Variants in LAPTM4B observed in about 807,000 individuals in gnomAD.
LAPTM4B encodes lysosomal-associated transmembrane protein 4B.
LAPTM4B carries 26 observed loss-of-function variants against 28.5 expected under a neutral mutation model. The ratio of observed to expected loss-of-function variants is 0.91; its 90% CI spans 0.67 to 1.27. The LOEUF is 1.27. LAPTM4B is among the 50% of genes most tolerant of loss of function. The pLI, the probability that LAPTM4B is intolerant of heterozygous loss-of-function variation, is 0.00. For missense variants in LAPTM4B, 288 were observed against 285.8 expected, an observed-to-expected ratio of 1.01 and a Z score of -0.06; for synonymous variants, 109 against 106.4, an observed-to-expected ratio of 1.02 and a Z score of -0.15.
chr8:97,793,031 A>G (rs372704635), intron 1 of LAPTM4B, among the ~76,000 whole-genome samples: 1 of 87,840 alleles, frequency 1.1e-5, no homozygotes, highest in East Asian at 2.3e-4. Context: ...TAATAACTAG[A>G]AACTCTAGAA....
In LAPTM4B at chr8:97,776,077, C is replaced by T; in HGVS notation, c.68C>T (p.Thr23Ile). The T allele has an allele frequency of 6.3e-7, 1 of 1,587,904 alleles. No individual in the cohort carries two copies. The highest frequency in any genetic ancestry group is 8.5e-7 in the Non-Finnish European group (1 of 1,172,144). ...TGCTGCTTGTGCTGCCATGTCCGCACCGGCACCATCCTGCTCGGCGTCTGG... is the reference window on the plus strand; with the variant it reads ...TGCTGCTTGTGCTGCCATGTCCGCATCGGCACCATCCTGCTCGGCGTCTGG... ...NSCCLCCHVR[T>I]GTILLGVWYL... Residue 23 changes from threonine to isoleucine, a missense_variant, in exon 1 of 7, where the codon ACC becomes ATC. By Grantham distance (89) the Thr-to-Ile change is moderately conservative (BLOSUM62 -1). Coordinates refer to ENST00000521545, the MANE Select transcript of LAPTM4B (RefSeq NM_018407.6).
intron 6 of LAPTM4B, among the ~76,000 whole-genome samples, chr8:97,835,580 A>G (rs564644316): frequency 1.3e-5 from 2 of 152,350 alleles, no homozygotes; most frequent in East Asian, 3.9e-4. Context: ...GTCATGTCCA[A>G]ATGACTTAAT....
chr8:97,787,309 T>G (rs2449503), intron 1 of LAPTM4B, among the ~76,000 whole-genome samples: 2 of 146,238 alleles, frequency 1.4e-5, no homozygotes, highest in African/African-American at 2.5e-5. Flanking sequence ...TTTTTGAGAC[T>G]GAGTCTGGCT....
intron 6 of LAPTM4B, among the ~76,000 whole-genome samples, chr8:97,837,195 C>CTT (rs55645609): frequency 0.38 from 52,122 of 136,736 alleles, 10,672 homozygotes; most frequent in Non-Finnish European, 0.46. Flanking sequence ...CCTCCTGCCA[C>CTT]TTTTTTTTTT....
At chr8:97,778,885 G>A (rs1318857917) in intron 1 of LAPTM4B, among the ~76,000 whole-genome samples, 1 of 152,036 alleles carries the variant, frequency 6.6e-6, no homozygotes. Flanking sequence ...TCTATAAGTT[G>A]CTCGGTTACA....
rs181996983 is a variant in LAPTM4B, at chr8:97,782,067, G to A, written c.99+5959G>A. On this transcript the variant is annotated intron_variant, in intron 1 of 6. Transcript: ENST00000521545. ...GCGATCTCGGCTCACCGCAACCTCC[G>A]ACTCCCAGGTTCAAGCAATTCTCCT... Among the ~76,000 whole-genome samples, 8 of 149,500 alleles carry A rather than the reference G, an allele frequency of 5.4e-5. No homozygotes were observed. In the East Asian group the frequency reaches 6.0e-4, roughly 11 times the overall value.
intron 5 of LAPTM4B, among the ~76,000 whole-genome samples, chr8:97,823,827 A>T (rs1267987100): frequency 6.6e-6 from 1 of 151,350 alleles, no homozygotes; most frequent in Non-Finnish European, 1.5e-5. Context: ...CCTCCTGAGT[A>T]GCTGGGACTA....
At chr8:97,833,420 TTATTTTACCTAA>T (rs1817215725) in intron 6 of LAPTM4B, among the ~76,000 whole-genome samples, 1 of 152,230 alleles carries the variant, frequency 6.6e-6, no homozygotes, top group Non-Finnish European at 1.5e-5. Context: ...TAAAGAGTTA[TTATTTTACCTAA>T]AATAATAAGT....
At chr8:97,812,607 C>G (rs1469790674) in intron 2 of LAPTM4B, among the ~76,000 whole-genome samples, 2 of 152,142 alleles carry the variant, frequency 1.3e-5, no homozygotes, top group African/African-American at 4.8e-5. Context: ...CTAGGCTAGC[C>G]ATTTTACTAT....
chr8:97,809,934 A>T (rs1816801490), intron 2 of LAPTM4B, among the ~76,000 whole-genome samples: 1 of 152,008 alleles, frequency 6.6e-6, no homozygotes, highest in African/African-American at 2.4e-5. Context: ...TGAGTTTAAA[A>T]ATTTATTTTT....
At chr8:97,786,408 T>TAAAG (rs2129730095) in intron 1 of LAPTM4B, among the ~76,000 whole-genome samples, 1 of 147,960 alleles carries the variant, frequency 6.8e-6, no homozygotes, top group African/African-American at 2.5e-5. Flanking sequence ...ACATTGAACT[T>TAAAG]AAAAAAAAAA....
chr8:97,791,273 C>T (rs750601053), intron 1 of LAPTM4B, among the ~76,000 whole-genome samples: 36 of 152,126 alleles, frequency 2.4e-4, no homozygotes, highest in Non-Finnish European at 2.8e-4. Context: ...GGCTGGGCCT[C>T]TCTCTTCATA....
chr8:97,848,211 G>A (rs1031763790), intron 6 of LAPTM4B, among the ~76,000 whole-genome samples: 1 of 152,164 alleles, frequency 6.6e-6, no homozygotes, highest in African/African-American at 2.4e-5. Context: ...GCACTCAGCC[G>A]AGATCGCGCC....
At chr8:97,789,540 T>TG (rs1426881202) in intron 1 of LAPTM4B, among the ~76,000 whole-genome samples, 3 of 150,958 alleles carry the variant, frequency 2.0e-5, no homozygotes, top group Non-Finnish European at 4.4e-5. Flanking sequence ...TTTTTTTTTT[T>TG]TTGAGAGACG....
At chr8:97,825,896 T>A (rs893121530) in intron 6 of LAPTM4B, among the ~76,000 whole-genome samples, 2 of 152,190 alleles carry the variant, frequency 1.3e-5, no homozygotes, top group African/African-American at 4.8e-5. Flanking sequence ...TGTAACTGTG[T>A]GGCATGGGAC....
At chr8:97,848,555 C>T (rs952675153) in intron 6 of LAPTM4B, among the ~76,000 whole-genome samples, 1 of 152,022 alleles carries the variant, frequency 6.6e-6, no homozygotes, top group African/African-American at 2.4e-5. Flanking sequence ...CACAGTGGCT[C>T]ATGCCTGTAA....
At position 97,825,143 on chromosome 8, in the gene LAPTM4B, A is replaced by G. The variant is rs77909867; in HGVS notation, c.593A>G (p.Asn198Ser). The G allele has an allele frequency of 2.5e-6, 4 of 1,579,594 alleles. No homozygotes were observed. Among genetic ancestry groups the G allele is most frequent in the Non-Finnish European group, 3.5e-6 (4 of 1,148,972 alleles). Residue 198 changes from asparagine (N) to serine (S), a missense_variant, in exon 6 of 7, where the codon AAT becomes AGT. Coordinates refer to ENST00000521545, the MANE Select transcript of LAPTM4B (RefSeq NM_018407.6). Reference sequence around the variant, plus strand: ...GATGTCCTGGTTTATGTTACCAGCAATGACACTACGGTAGGTATGATGTCA... The same window carrying G: ...GATGTCCTGGTTTATGTTACCAGCAGTGACACTACGGTAGGTATGATGTCA... ...SSDVLVYVTS[N>S]DTTVLLPPYD...
rs1334196009 is a variant in LAPTM4B at position 97,780,271 on chromosome 8, T to A, written c.99+4163T>A. 1.7e-4 allele frequency among the ~76,000 whole-genome samples: 25 copies of A among 151,424 alleles called. No homozygotes were observed. In the East Asian group the frequency reaches 4.5e-3, roughly 27 times the overall value. On this transcript the variant is annotated intron_variant, in intron 1 of 6. Coordinates refer to ENST00000521545, the MANE Select transcript of LAPTM4B (RefSeq NM_018407.6). Reference sequence around the variant, plus strand: ...TGAAACCCTGTTTCTATTAAAAATATAAAAAATTAGTGGGGCGTGGTGGCA... The same window carrying A: ...TGAAACCCTGTTTCTATTAAAAATAAAAAAAATTAGTGGGGCGTGGTGGCA...
intron 5 of LAPTM4B, among the ~76,000 whole-genome samples, chr8:97,823,469 G>A (rs1817042263): frequency 1.3e-5 from 2 of 150,814 alleles, no homozygotes; most frequent in Admixed American, 6.6e-5. Flanking sequence ...CCACCTCCCA[G>A]GTTCACTTGA....
Sources: allele counts gnomAD v4.1 joint callset (sites outside exome capture counted in the v4.1 genomes callset), GRCh38; gene constraint gnomAD v4.1.1; transcripts MANE v1.5; gene names NCBI Gene and HGNC (gene_info 2026-07-23, HGNC 2026-07-21).